Variants in SLC27A6 observed in about 807,000 individuals in gnomAD.
The protein encoded by SLC27A6 is solute carrier family 27 member 6.
A neutral mutation model predicts 63.9 loss-of-function variants in SLC27A6; 74 were observed. The observed-to-expected ratio is 1.16, with a 90% confidence interval of 0.96 to 1.40. The LOEUF is 1.40. Ranked by LOEUF, SLC27A6 falls within the 40% of genes most tolerant of loss-of-function variation. The pLI, the probability that SLC27A6 is intolerant of heterozygous loss-of-function variation, is 0.00. For synonymous variants in SLC27A6, 287 were observed against 260.8 expected (o/e 1.10, Z -0.97); for missense variants, 794 against 732.9 (o/e 1.08, Z -0.96).
At chr5:129,025,707 T>C (rs1169788736) in intron 6 of SLC27A6, among the ~76,000 whole-genome samples, 1 of 152,024 alleles carries the variant, frequency 6.6e-6, no homozygotes, top group Non-Finnish European at 1.5e-5. Context: ...GATATGATGA[T>C]ATGATGGTGA....
chr5:128,976,327 G>A (rs1353762002), intron 1 of SLC27A6, among the ~76,000 whole-genome samples: 1 of 152,148 alleles, frequency 6.6e-6, no homozygotes, highest in Non-Finnish European at 1.5e-5. Context: ...TGACCAACAT[G>A]GTGAAAGCCC....
chr5:128,970,378 C>T (rs1374169703), intron 1 of SLC27A6, among the ~76,000 whole-genome samples: 2 of 152,126 alleles, frequency 1.3e-5, no homozygotes, highest in Non-Finnish European at 2.9e-5. Flanking sequence ...GTTGTGAACC[C>T]ATCTTGTCCT....
At chr5:128,986,812 C>T (rs934250689) in intron 2 of SLC27A6, among the ~76,000 whole-genome samples, 15 of 152,116 alleles carry the variant, frequency 9.9e-5, no homozygotes, top group Non-Finnish European at 2.1e-4. Context: ...GAGGTGATGA[C>T]TGAGTGTGGT....
At chr5:128,977,591 A>G (rs895340284) in intron 1 of SLC27A6, among the ~76,000 whole-genome samples, 1 of 152,196 alleles carries the variant, frequency 6.6e-6, no homozygotes, top group Non-Finnish European at 1.5e-5. Context: ...ATTTAGCATC[A>G]GAAAATCTGA....
Position 129,033,096 on chromosome 5 carries a change from T to G in SLC27A6, c.1684-10T>G, listed in dbSNP as rs1219333416. On this transcript the variant is annotated splice_polypyrimidine_tract_variant and intron_variant, in intron 9 of 9. Transcript: ENST00000262462. Reference sequence around the variant, plus strand: ...AAATGATTCTACTCATCCTGGTAATTGCTTTACAGGAAAAAATGGAAGCAA... The same window carrying G: ...AAATGATTCTACTCATCCTGGTAATGGCTTTACAGGAAAAAATGGAAGCAA... 6.3e-7 allele frequency: 1 copy of G among 1,594,856 alleles called. No individual in the cohort carries two copies. Among genetic ancestry groups the G allele is most frequent in the Admixed American group, 1.7e-5 (1 of 58,386 alleles).
chr5:129,020,592 T>A (rs888511864), intron 5 of SLC27A6, among the ~76,000 whole-genome samples: 3 of 152,104 alleles, frequency 2.0e-5, no homozygotes, highest in Non-Finnish European at 4.4e-5. Flanking sequence ...AAACTTAAAT[T>A]TTAAAATAAT....
At position 129,027,249 on chromosome 5, in the gene SLC27A6, G is replaced by A. The variant is rs376654449; in HGVS notation, c.1372G>A (p.Val458Ile). ...LLCDVFKKGD[V>I]YLNTGDLIVQ... ...TTGTGATGTTTTTAAGAAGGGAGAT[G>A]TTTACCTTAATACTGGAGACTTAAT... Residue 458 changes from valine to isoleucine, a missense_variant, in exon 7 of 10, where the codon GTT becomes ATT. Physicochemically the swap from Val to Ile is conservative, Grantham distance 29. Coordinates refer to ENST00000262462, the MANE Select transcript of SLC27A6 (RefSeq NM_001017372.3). 5 of 1,613,100 alleles carry A rather than the reference G, an allele frequency of 3.1e-6. No homozygotes were observed. Among genetic ancestry groups the A allele is most frequent in the Non-Finnish European group, 4.2e-6 (5 of 1,179,322 alleles).
chr5:128,979,839 G>A (rs1179964901), intron 1 of SLC27A6, among the ~76,000 whole-genome samples: 1 of 152,114 alleles, frequency 6.6e-6, no homozygotes, highest in Non-Finnish European at 1.5e-5. Flanking sequence ...TATATTCAGG[G>A]CAGTTAAATC....
chr5:128,985,075 A>G, intron 1 of SLC27A6, 58 bp from the exon 2 acceptor site: 1 of 1,281,564 alleles, frequency 7.8e-7, no homozygotes, highest in Non-Finnish European at 1.1e-6. Context: ...AGCAACTCCA[A>G]AGTGAATTGT....
At position 129,033,202 on chromosome 5, in the gene SLC27A6, A is replaced by G. The variant is rs781228094; in HGVS notation, c.1780A>G (p.Met594Val). 1.2e-6 allele frequency: 2 copies of G among 1,604,176 alleles called. No homozygotes were observed. Among genetic ancestry groups the G allele is most frequent in the South Asian group, 2.2e-5 (2 of 89,918 alleles). The change falls in exon 10 of 10, where the codon ATG (methionine) becomes GTG (valine). Residue 594 changes from methionine to valine, a missense_variant. By Grantham distance (21) the Met-to-Val change is conservative. Coordinates refer to ENST00000262462, the MANE Select transcript of SLC27A6 (RefSeq NM_001017372.3). ...GAAAATTTCTGAACCACTTTACTTC[A>G]TGGATAACTTGAAAAAGTCTTATGT... ...PLKISEPLYF[M>V]DNLKKSYVLL... is the part of the protein sequence containing the mutation.
intron 1 of SLC27A6, among the ~76,000 whole-genome samples, chr5:128,968,891 T>C (rs1207022182): frequency 6.6e-6 from 1 of 152,206 alleles, no homozygotes; most frequent in African/African-American, 2.4e-5. Flanking sequence ...GTTCTAATGG[T>C]TTTAGGTCTA....
intron 1 of SLC27A6, among the ~76,000 whole-genome samples, chr5:128,981,000 C>G (rs1351717658): frequency 6.6e-6 from 1 of 152,076 alleles, no homozygotes; most frequent in South Asian, 2.1e-4. Context: ...AACAAGAAAT[C>G]AATTTGTAAA....
intron 6 of SLC27A6, among the ~76,000 whole-genome samples, chr5:129,026,266 G>T (rs1752242661): frequency 1.3e-5 from 2 of 152,152 alleles, no homozygotes; most frequent in South Asian, 4.1e-4. Context: ...AAGACTTCCA[G>T]AGCAGTGATT....
intron 4 of SLC27A6, among the ~76,000 whole-genome samples, chr5:129,002,623 C>T (rs1751382995): frequency 1.3e-5 from 2 of 151,710 alleles, no homozygotes; most frequent in Non-Finnish European, 2.9e-5. Flanking sequence ...GCACCAGGTC[C>T]TATTGCAGGC....
At chr5:128,994,877 C>T (rs1341285039) in intron 4 of SLC27A6, among the ~76,000 whole-genome samples, 1 of 152,190 alleles carries the variant, frequency 6.6e-6, no homozygotes, top group African/African-American at 2.4e-5. Flanking sequence ...GCACCCTATT[C>T]CCCACTGCTT....
chr5:128,978,595 A>C (rs1750471722), intron 1 of SLC27A6, among the ~76,000 whole-genome samples: 1 of 152,170 alleles, frequency 6.6e-6, no homozygotes, highest in Admixed American at 6.5e-5. Context: ...ATCACAGTGC[A>C]CATTATCTGG....
chr5:129,019,096 G>A (rs116183698), intron 5 of SLC27A6, among the ~76,000 whole-genome samples: 1 of 152,054 alleles, frequency 6.6e-6, no homozygotes, highest in Non-Finnish European at 1.5e-5. Flanking sequence ...ACAAGTGAAG[G>A]AGAAAGATAA....
chr5:128,970,289 G>A (rs1750092949), intron 1 of SLC27A6, among the ~76,000 whole-genome samples: 1 of 152,084 alleles, frequency 6.6e-6, no homozygotes, highest in African/African-American at 2.4e-5. Context: ...GAATTAGGGA[G>A]GATTCCCTCT....
At chr5:128,988,970 G>C (rs574740321) in intron 3 of SLC27A6, among the ~76,000 whole-genome samples, 2 of 152,188 alleles carry the variant, frequency 1.3e-5, no homozygotes, top group South Asian at 4.2e-4. Flanking sequence ...TGAGGATTTG[G>C]CCATGTGGTC....
Sources: gnomAD v4.1 joint callset for allele counts (sites outside exome capture counted in the v4.1 genomes callset) on GRCh38, gnomAD v4.1.1 for gene constraint, MANE v1.5 for transcripts, NCBI Gene and HGNC (gene_info 2026-07-23, HGNC 2026-07-21) for gene names.